Variants in PNKD observed in about 807,000 individuals in gnomAD.
PNKD encodes the protein PNKD metallo-beta-lactamase domain containing.
A neutral mutation model predicts 45.3 loss-of-function variants in PNKD; 36 were observed. The ratio of observed to expected loss-of-function variants is 0.80; its 90% CI spans 0.61 to 1.05. The LOEUF (loss-of-function observed/expected upper bound fraction) is 1.05. PNKD is among the 50% of genes least tolerant of loss of function. The pLI is 0.00. For synonymous variants in PNKD, 197 were observed against 210.1 expected (o/e 0.94, Z 0.54); for missense variants, 511 against 506.6 (o/e 1.01, Z -0.08).
intron 2 of PNKD, among the ~76,000 whole-genome samples, chr2:218,300,046 C>T (rs1175495010): frequency 4.6e-5 from 7 of 152,150 alleles, no homozygotes; most frequent in Non-Finnish European, 7.4e-5. Flanking sequence ...AGTGAGCCAC[C>T]GCGCCTGACC....
intron 2 of PNKD, among the ~76,000 whole-genome samples, chr2:218,292,084 C>G (rs999123910): frequency 6.6e-6 from 1 of 152,152 alleles, no homozygotes; most frequent in African/African-American, 2.4e-5. Flanking sequence ...CCATGAAAGC[C>G]CTCATCCCAC....
chr2:218,273,225 T>C (rs1690923059), intron 2 of PNKD, among the ~76,000 whole-genome samples: 1 of 152,194 alleles, frequency 6.6e-6, no homozygotes, highest in South Asian at 2.1e-4. Context: ...CTTTACTGAG[T>C]CCAAATGACT....
chr2:218,285,393 C>T (rs1692421981), intron 2 of PNKD, among the ~76,000 whole-genome samples: 1 of 152,214 alleles, frequency 6.6e-6, no homozygotes, highest in Admixed American at 6.5e-5. Context: ...TCACTTCTGC[C>T]ATAGCTTCCA....
In PNKD at chr2:218,278,440, CCTT is replaced by C. The variant is rs576713642; in HGVS notation, c.236+6895_236+6897del. 5.9e-5 allele frequency: 85 copies of C among 1,448,234 alleles called. No homozygotes were observed. The African/African-American group carries it at 9.1e-4, about 15-fold the overall frequency. The allele number at this position is 1,448,234 out of a possible 1,614,324, so 89.7% of individuals were successfully genotyped here. A position where few individuals can be genotyped will look rare whatever the true frequency, so the allele number is the denominator to read the frequency against. On this transcript the variant is annotated intron_variant, in intron 2 of 9. Coordinates refer to ENST00000273077, the MANE Select transcript of PNKD (RefSeq NM_015488.5). The stretch of plus-strand genomic sequence containing the variant: ...TTCCATTCAGCTGCTATAAAGGAAT[CCTT>C]CTTTCCAAAATACTCGGCCCCCATC...
chr2:218,315,080 T>C (rs138182407), intron 2 of PNKD, among the ~76,000 whole-genome samples: 8 of 92,002 alleles, frequency 8.7e-5, no homozygotes, highest in Admixed American at 1.5e-4. Flanking sequence ...CTTCCTTTCT[T>C]TCTCTCTCTC....
intron 2 of PNKD, chr2:218,323,335 T>A: frequency 6.3e-7 from 1 of 1,578,518 alleles, no homozygotes; most frequent in Non-Finnish European, 8.6e-7. Flanking sequence ...CTCGTCCTTG[T>A]CCTCGTCCTA....
chr2:218,324,509 G>A (rs751498836), intron 2 of PNKD, among the ~76,000 whole-genome samples: 2 of 152,236 alleles, frequency 1.3e-5, no homozygotes, highest in Non-Finnish European at 2.9e-5. Flanking sequence ...GTGCTGGAGG[G>A]TGGGGTGGGG....
In PNKD at chr2:218,308,506, T is replaced by C. The variant is rs183321503; in HGVS notation, c.237-31277T>C. Among the ~76,000 whole-genome samples the C allele has an allele frequency of 1.8e-3, 275 of 150,204 alleles. 1 individual carries two copies. The highest frequency in any genetic ancestry group is 6.4e-3 in the African/African-American group (263 of 40,862). On this transcript the variant is annotated intron_variant, in intron 2 of 9. Transcript: ENST00000273077. ...CCAGCCTTAGATTTTTTTTAATCCA[T>C]TTTTGTTTACAGAGGTACAATCGTA...
At chr2:218,339,759 A>G in intron 2 of PNKD, 24 bp from the exon 3 acceptor site, 1 of 1,485,258 alleles carries the variant, frequency 6.7e-7, no homozygotes, top group Non-Finnish European at 9.4e-7. Flanking sequence ...AAGGCTAATC[A>G]TAGGCCACCC....
At chr2:218,278,390 A>ATCC in intron 2 of PNKD, 1 of 1,005,952 alleles carries the variant, frequency 9.9e-7, no homozygotes, top group Non-Finnish European at 1.5e-6. Context: ...TGTCATCGTC[A>ATCC]TCCTCCTCCT....
intron 2 of PNKD, among the ~76,000 whole-genome samples, chr2:218,288,421 T>C (rs1692700739): frequency 6.6e-6 from 1 of 152,076 alleles, no homozygotes; most frequent in African/African-American, 2.4e-5. Flanking sequence ...AGAGGGAGAC[T>C]CTGTCTCAAA....
At position 218,279,444 on chromosome 2, in the gene PNKD, AG is replaced by A. The variant is rs1422879913; in HGVS notation, c.236+7896del. ...GCCCCCAGTACTTTCCTCCCACTCAAGAACCCTCCCTAGCTGCAGCCTGGCC... is the reference window on the plus strand; with the variant it reads ...GCCCCCAGTACTTTCCTCCCACTCAAAACCCTCCCTAGCTGCAGCCTGGCC... On this transcript the variant is annotated intron_variant, in intron 2 of 9. Transcript: ENST00000273077. 2.5e-6 allele frequency: 3 copies of A among 1,219,254 alleles called. No homozygotes were observed. The African/African-American group carries it at 4.6e-5, about 19-fold the overall frequency. The allele number at this position is 1,219,254 out of a possible 1,614,324, so 75.5% of individuals were successfully genotyped here. A position where few individuals can be genotyped will look rare whatever the true frequency, so the allele number is the denominator to read the frequency against.
At chr2:218,272,039 A>G (rs1286091529) in intron 2 of PNKD, among the ~76,000 whole-genome samples, 1 of 152,124 alleles carries the variant, frequency 6.6e-6, no homozygotes, top group Non-Finnish European at 1.5e-5. Flanking sequence ...TTAGTGTTTG[A>G]GATAAGTATT....
chr2:218,294,515 T>C (rs12478764), intron 2 of PNKD, among the ~76,000 whole-genome samples: 151,263 of 152,310 alleles, frequency 0.99, 75,119 homozygotes, highest in East Asian at 1. Context: ...TTTTTTGAGA[T>C]GGAATCTCAC....
rs975190146 is a variant in PNKD, at chr2:218,326,193, C to G, written c.237-13590C>G. Among the ~76,000 whole-genome samples, 38 of 152,170 alleles carry G rather than the reference C, an allele frequency of 2.5e-4. No homozygotes were observed. Among genetic ancestry groups the G allele is most frequent in the African/African-American group, 9.2e-4 (38 of 41,436 alleles). On this transcript the variant is annotated intron_variant, in intron 2 of 9. Coordinates refer to ENST00000273077, the MANE Select transcript of PNKD (RefSeq NM_015488.5). This position sits in a 1 kb window ranked among gnomAD's most constrained non-coding sequence, Gnocchi z 4.1. ...GGGGGTGGAAAGGCAATGATGGAAA[C>G]ACCAGGCTCACCGGGAGGAGAGCTG... is the stretch of plus-strand genomic sequence containing the variant.
chr2:218,278,590 A>G (rs774736331), intron 2 of PNKD: 1 of 1,614,042 alleles, frequency 6.2e-7, no homozygotes, highest in Non-Finnish European at 8.5e-7. Context: ...ATGGGGAAGC[A>G]GTTCAGGCCC....
At chr2:218,279,309 G>A in intron 2 of PNKD, 2 of 1,588,738 alleles carry the variant, frequency 1.3e-6, no homozygotes, top group Middle Eastern at 1.7e-4. Flanking sequence ...AGATAGCAAT[G>A]ATGGCCACAG....
At chr2:218,281,135 T>TTTG (rs1559504765) in intron 2 of PNKD, 2 of 130,722 alleles carry the variant, frequency 1.5e-5, no homozygotes, top group African/African-American at 5.1e-5. Context: ...TTTTGTTTTT[T>TTTG]TTTTGGTTTT....
chr2:218,342,116 A>G lies in PNKD; in HGVS notation c.753A>G (p.Ser251=), dbSNP rs1269846350. ...EPYKGPSCLF[S]GDLLFLSGCG... ...ACAAGGGTCCCTCCTGCCTCTTCTCAGGGGACCTGCTCTTCCTCTCTGGCT... is the reference window on the plus strand; with the variant it reads ...ACAAGGGTCCCTCCTGCCTCTTCTCGGGGGACCTGCTCTTCCTCTCTGGCT... Residue 251 remains serine, a synonymous_variant, in exon 7 of 10, where the codon TCA becomes TCG. Coordinates refer to ENST00000273077, the MANE Select transcript of PNKD (RefSeq NM_015488.5). The G allele has an allele frequency of 1.9e-6, 3 of 1,613,632 alleles. No homozygotes were observed. Among genetic ancestry groups the G allele is most frequent in the Non-Finnish European group, 2.5e-6 (3 of 1,179,892 alleles).
Sources: gnomAD v4.1 joint callset for allele counts (sites outside exome capture counted in the v4.1 genomes callset) on GRCh38, gnomAD v4.1.1 for gene constraint, Gnocchi (gnomAD v3.1) non-coding constraint, MANE v1.5 for transcripts, NCBI Gene and HGNC (gene_info 2026-07-23, HGNC 2026-07-21) for gene names.